PDE9A: variants seen among roughly 807,000 people sequenced by gnomAD.
PDE9A encodes phosphodiesterase 9A.
PDE9A carries 60 observed loss-of-function variants against 87.4 expected under a neutral mutation model. The ratio of observed to expected loss-of-function variants is 0.69; its 90% CI spans 0.56 to 0.85. PDE9A has a LOEUF of 0.85. Ranked by LOEUF, PDE9A falls within the 40% of genes least tolerant of loss-of-function variation. PDE9A has a pLI of 0.00. For missense variants in PDE9A, 665 were observed against 779.0 expected (o/e 0.85, Z 1.74); for synonymous variants, 272 against 279.4 (o/e 0.97, Z 0.27).
At chr21:42,746,706 C>T (rs896180308) in intron 8 of PDE9A, among the ~76,000 whole-genome samples, 1 of 152,204 alleles carries the variant, frequency 6.6e-6, no homozygotes, top group Non-Finnish European at 1.5e-5. Flanking sequence ...AGGATAACAC[C>T]GATTTCAGAG....
At chr21:42,663,128 C>T (rs1262339684) in intron 1 of PDE9A, among the ~76,000 whole-genome samples, 1 of 151,156 alleles carries the variant, frequency 6.6e-6, no homozygotes, top group Non-Finnish European at 1.5e-5. Context: ...CACATGCACA[C>T]ACCACACATG....
At chr21:42,713,443 G>A (rs941568791) in intron 4 of PDE9A, among the ~76,000 whole-genome samples, 7 of 152,174 alleles carry the variant, frequency 4.6e-5, no homozygotes, top group Non-Finnish European at 8.8e-5. Flanking sequence ...CGCTTTTCAT[G>A]TATTGCTAGA....
chr21:42,707,205 G>C (rs1369667481), intron 4 of PDE9A, among the ~76,000 whole-genome samples: 1 of 152,238 alleles, frequency 6.6e-6, no homozygotes, highest in Middle Eastern at 3.2e-3. Flanking sequence ...CCGTCTTGAA[G>C]GGGAGGGCCT....
chr21:42,655,393 G>A (rs1483653086), intron 1 of PDE9A, among the ~76,000 whole-genome samples: 1 of 152,202 alleles, frequency 6.6e-6, no homozygotes, highest in African/African-American at 2.4e-5. Context: ...AAAAGTGGAG[G>A]AGAGCTTCAG....
intron 1 of PDE9A, among the ~76,000 whole-genome samples, chr21:42,657,723 C>T (rs1338786317): frequency 6.6e-6 from 1 of 152,194 alleles, no homozygotes; most frequent in Admixed American, 6.5e-5. Flanking sequence ...GCTGTGGGCT[C>T]GGGTGTGGTG....
intron 19 of PDE9A, among the ~76,000 whole-genome samples, chr21:42,773,987 C>T (rs2057296033): frequency 1.3e-5 from 2 of 150,494 alleles, no homozygotes; most frequent in African/African-American, 4.9e-5. Context: ...TGCCTGTATT[C>T]CCAGCTACTC....
chr21:42,663,376 GCAGA>G (rs1449156088), intron 1 of PDE9A, among the ~76,000 whole-genome samples: 4 of 152,194 alleles, frequency 2.6e-5, no homozygotes, highest in African/African-American at 9.6e-5. Context: ...AGAGAAGTCA[GCAGA>G]GCCCCTGGGG....
chr21:42,655,617 C>T (rs979831224), intron 1 of PDE9A, among the ~76,000 whole-genome samples: 6 of 152,186 alleles, frequency 3.9e-5, no homozygotes, highest in African/African-American at 4.8e-5. Context: ...AGCCCCTGGG[C>T]TCCCCAAGCT....
chr21:42,673,981 C>T (rs886570585), intron 1 of PDE9A, among the ~76,000 whole-genome samples: 1 of 152,256 alleles, frequency 6.6e-6, no homozygotes, highest in African/African-American at 2.4e-5. Context: ...TAGGTTATTA[C>T]ACAATGAGTG....
chr21:42,754,091 G>T, intron 10 of PDE9A, 27 bp downstream of exon 10: 2 of 1,504,458 alleles, frequency 1.3e-6, no homozygotes, highest in Non-Finnish European at 1.8e-6. Flanking sequence ...CAGGCACCAC[G>T]TCCCAGGGGG....
intron 1 of PDE9A, among the ~76,000 whole-genome samples, chr21:42,677,679 G>A (rs1291249256): frequency 6.6e-6 from 1 of 151,248 alleles, no homozygotes; most frequent in Non-Finnish European, 1.5e-5. Context: ...GTCTTGCTCT[G>A]TTGCCCAGGC....
At chr21:42,735,205 C>T (rs1005470367) in intron 7 of PDE9A, among the ~76,000 whole-genome samples, 5 of 152,194 alleles carry the variant, frequency 3.3e-5, no homozygotes, top group African/African-American at 1.2e-4. Flanking sequence ...GCCCCAGATG[C>T]GGCACCAGCT....
At chr21:42,693,579 C>CATGCCCAGCCCACCCAG in intron 3 of PDE9A, among the ~76,000 whole-genome samples, 1 of 150,430 alleles carries the variant, frequency 6.6e-6, no homozygotes, top group East Asian at 1.9e-4. Context: ...CGTGAGCCAC[C>CATGCCCAGCCCACCCAG]GCGTCCTACT....
intron 4 of PDE9A, among the ~76,000 whole-genome samples, chr21:42,701,830 C>T (rs1004080526): frequency 6.6e-6 from 1 of 152,188 alleles, no homozygotes; most frequent in Non-Finnish European, 1.5e-5. Context: ...TGTGTTTTAG[C>T]TAGTACAGCT....
At chr21:42,679,996 C>G (rs750105092) in intron 1 of PDE9A, among the ~76,000 whole-genome samples, 1 of 152,196 alleles carries the variant, frequency 6.6e-6, no homozygotes, top group Admixed American at 6.5e-5. Flanking sequence ...GAGAGACTGT[C>G]GTAAGGAGGC....
chr21:42,760,602 G>C lies in PDE9A; in HGVS notation c.1002+170G>C, dbSNP rs963780236. On this transcript the variant is annotated intron_variant, in intron 12 of 19. Coordinates refer to ENST00000291539, the MANE Select transcript of PDE9A (RefSeq NM_002606.3). This position sits in a 1 kb window ranked among gnomAD's most constrained non-coding sequence, Gnocchi z 5.2. ...TGCCCACCGTTGTCAGTCACCCCAT[G>C]GGCGAGGCTGCTCCTAGGATTACGA... 1.3e-5 allele frequency among the ~76,000 whole-genome samples: 2 copies of C among 151,926 alleles called. No homozygotes were observed. The highest frequency in any genetic ancestry group is 4.8e-5 in the African/African-American group (2 of 41,358).
At chr21:42,680,536 G>C (rs1321389736) in intron 1 of PDE9A, among the ~76,000 whole-genome samples, 2 of 152,236 alleles carry the variant, frequency 1.3e-5, no homozygotes, top group Non-Finnish European at 2.9e-5. Context: ...CAACAGGCTT[G>C]GTGGCAAAGC....
intron 8 of PDE9A, 139 bp downstream of exon 8, chr21:42,743,999 C>T: frequency 3.2e-6 from 2 of 617,370 alleles, no homozygotes; most frequent in Non-Finnish European, 5.9e-6. Context: ...AGAGTGCAGT[C>T]TGGAGGCAGC....
intron 2 of PDE9A, among the ~76,000 whole-genome samples, chr21:42,687,568 G>C (rs948611334): frequency 1.3e-5 from 2 of 152,118 alleles, no homozygotes; most frequent in African/African-American, 4.8e-5. Context: ...GAAGCGGAAA[G>C]ACAAACTATG....
Sources: gnomAD v4.1 joint callset for allele counts (sites outside exome capture counted in the v4.1 genomes callset) on GRCh38, gnomAD v4.1.1 for gene constraint, Gnocchi (gnomAD v3.1) non-coding constraint, MANE v1.5 for transcripts, NCBI Gene and HGNC (gene_info 2026-07-23, HGNC 2026-07-21) for gene names.